The following SLC6A4 variants were observed in gnomAD, a reference collection of about 807,000 sequenced individuals.
The protein encoded by SLC6A4 is sodium-dependent serotonin transporter.
Under a neutral mutation model 73.4 loss-of-function variants are expected in SLC6A4, and 22 were observed. That is an observed-to-expected ratio of 0.30 (90% CI 0.21 to 0.43). SLC6A4 has a LOEUF of 0.43. SLC6A4 is among the 20% of genes least tolerant of loss of function. The pLI is 1.00. For synonymous variants in SLC6A4, 270 were observed against 315.5 expected (o/e 0.86, Z 1.53); for missense variants, 593 against 808.5 (o/e 0.73, Z 3.23).
At chr17:30,228,106 T>C (rs1005764493) in intron 1 of SLC6A4, among the ~76,000 whole-genome samples, 6 of 152,210 alleles carry the variant, frequency 3.9e-5, no homozygotes, top group Admixed American at 6.5e-5. Context: ...CTAACTTCCT[T>C]CCAGAGTCAT....
rs1413067090 is a variant in SLC6A4, at chr17:30,211,691, A to G, written c.1205-267T>C. On this transcript the variant is annotated intron_variant, in intron 9 of 14. Transcript: ENST00000650711. This position sits in a 1 kb window ranked among gnomAD's most constrained non-coding sequence, Gnocchi z 4.0. Reference sequence around the variant, plus strand: ...CCTGGGGGTGGGTAACAGATCCAAGACCCAGAGACTGGCAAAGCTGCACAT... The same window carrying G: ...CCTGGGGGTGGGTAACAGATCCAAGGCCCAGAGACTGGCAAAGCTGCACAT... 1.3e-5 allele frequency among the ~76,000 whole-genome samples: 2 copies of G among 152,168 alleles called. No homozygotes were observed. The highest frequency in any genetic ancestry group is 2.4e-5 in the African/African-American group (1 of 41,442).
rs201417524 is a variant in SLC6A4 at position 30,222,803 on chromosome 17, C to A, written c.-124+16G>T. 1.5e-6 allele frequency: 2 copies of A among 1,304,476 alleles called. No individual in the cohort carries two copies. Among genetic ancestry groups the A allele is most frequent in the Middle Eastern group, 2.1e-4 (1 of 4,720 alleles). 80.8% of individuals were successfully genotyped at this position (1,304,476 alleles called of 1,614,324 possible). On this transcript the variant is annotated intron_variant, in intron 2 of 14. Coordinates refer to ENST00000650711, the MANE Select transcript of SLC6A4 (RefSeq NM_001045.6). ...TTTGCAAGCCCGACTGGTCCTTAAA[C>A]GGCACTGCTGCTCACCATTTGTTCT...
At position 30,216,205 on chromosome 17, in the gene SLC6A4, C is replaced by A; in HGVS notation, c.849G>T (p.Val283=). Residue 283 remains valine (V), a synonymous_variant, in exon 7 of 15, where the codon GTG becomes GTT. Coordinates refer to ENST00000650711, the MANE Select transcript of SLC6A4 (RefSeq NM_001045.6). The part of the protein sequence containing the change: ...GVKTSGKVVW[V]TATFPYIILS... ...GGATGATATAAGGGAAGGTGGCTGT[C>A]ACCCACACCACCTGTAAGGAAGAAG... The A allele has an allele frequency of 6.2e-7, 1 of 1,608,408 alleles. No individual in the cohort carries two copies. Among genetic ancestry groups the A allele is most frequent in the South Asian group, 1.1e-5 (1 of 90,816 alleles).
At position 30,218,940 on chromosome 17, in the gene SLC6A4, G is replaced by C; in HGVS notation, c.344-9C>G. 1 of 1,613,900 alleles carries C rather than the reference G, an allele frequency of 6.2e-7. No individual in the cohort carries two copies. The highest frequency in any genetic ancestry group is 8.5e-7 in the Non-Finnish European group (1 of 1,180,000). On this transcript the variant is annotated splice_polypyrimidine_tract_variant and intron_variant, in intron 3 of 14. Transcript: ENST00000650711. ...GGGGAGGAGGAATGCCCCTGAGGCA[G>C]ATGAAAGACAATTTCACTCCCTGCC... is the stretch of plus-strand genomic sequence containing the variant.
chr17:30,200,542 A>T (rs901606854), intron 14 of SLC6A4, among the ~76,000 whole-genome samples: 4 of 152,066 alleles, frequency 2.6e-5, no homozygotes, highest in Non-Finnish European at 5.9e-5. Flanking sequence ...GCGGTGGCTC[A>T]CTCCACAAAC....
chr17:30,212,611 A>G, intron 9 of SLC6A4, 129 bp downstream of exon 9: 1 of 1,073,504 alleles, frequency 9.3e-7, no homozygotes. Flanking sequence ...CTTGAACTCC[A>G]CCATGCCCAG....
intron 13 of SLC6A4, among the ~76,000 whole-genome samples, chr17:30,205,087 G>A (rs186311282): frequency 3.2e-4 from 49 of 152,298 alleles, no homozygotes; most frequent in Admixed American, 2.4e-3. Context: ...AGGGTAAAGC[G>A]AGTGAAGTAC....
At position 30,221,993 on chromosome 17, in the gene SLC6A4, G is replaced by T. The variant is rs780985065; in HGVS notation, c.-35C>A. Reference sequence around the variant, plus strand: ...TAGTAAATGACACTGATGTCCATCTGCCAAGGATCCCAATTGATCTCTGGG... The same window carrying T: ...TAGTAAATGACACTGATGTCCATCTTCCAAGGATCCCAATTGATCTCTGGG... On this transcript the variant is annotated 5_prime_UTR_variant, in exon 3 of 15. Transcript: ENST00000650711. The T allele has an allele frequency of 6.2e-7, 1 of 1,613,590 alleles. No individual in the cohort carries two copies. The highest frequency in any genetic ancestry group is 1.1e-5 in the South Asian group (1 of 91,042).
intron 6 of SLC6A4, 50 bp from the exon 7 acceptor site, chr17:30,216,266 G>C (rs1327985245): frequency 1.3e-6 from 1 of 763,076 alleles, no homozygotes. Context: ...GGGGAGGGGA[G>C]GGGAGGGGAG....
rs1352682482 is a variant in SLC6A4 at position 30,197,097 on chromosome 17, GC to G, written c.*1358del. ...CAAAATTCTGATAAGGAATTCCCAT[GC>G]TGCAAATATTAATTTGCTCCTCTAC... On this transcript the variant is annotated 3_prime_UTR_variant, in exon 15 of 15. Coordinates refer to ENST00000650711, the MANE Select transcript of SLC6A4 (RefSeq NM_001045.6). The G allele has an allele frequency of 6.6e-6, 1 of 152,314 alleles. No homozygotes were observed. Among genetic ancestry groups the G allele is most frequent in the Non-Finnish European group, 1.5e-5 (1 of 68,032 alleles). The allele number at this position is 152,314 out of a possible 1,614,324, so 9.4% of individuals were successfully genotyped here.
At chr17:30,224,129 G>T (rs1306015472) in intron 1 of SLC6A4, among the ~76,000 whole-genome samples, 1 of 152,088 alleles carries the variant, frequency 6.6e-6, no homozygotes, top group Non-Finnish European at 1.5e-5. Context: ...AGGCCAAATG[G>T]CAGGGAGGAA....
At chr17:30,215,495 T>C (rs1906544047) in intron 8 of SLC6A4, 116 bp downstream of exon 8, 5 of 806,326 alleles carry the variant, frequency 6.2e-6, no homozygotes, top group Non-Finnish European at 1.1e-5. Context: ...GGGGCAGTGG[T>C]ATCAAGGCCT....
chr17:30,217,205 G>T lies in SLC6A4; in HGVS notation c.798C>A (p.Ile266=), dbSNP rs201403159. 2 of 1,614,106 alleles carry T rather than the reference G, an allele frequency of 1.2e-6. No individual in the cohort carries two copies. Among genetic ancestry groups the T allele is most frequent in the Non-Finnish European group, 1.7e-6 (2 of 1,179,952 alleles). Residue 266 remains isoleucine (I), a synonymous_variant, in exon 6 of 15, where the codon ATC becomes ATA. Transcript: ENST00000650711. The stretch of plus-strand genomic sequence containing the variant: ...TGACGCCTTTCCAGATGCTGAAGTA[G>T]ATAACAGTGAAGATCAGCATGATGC... ...ALCIMLIFTV[I]YFSIWKGVKT...
intron 1 of SLC6A4, 51 bp from the exon 2 acceptor site, chr17:30,222,966 G>A (rs550509083): frequency 1.8e-4 from 99 of 561,738 alleles, no homozygotes; most frequent in Non-Finnish European, 2.3e-4. Flanking sequence ...TGGTGTCGCC[G>A]TCCCCCTGTG....
intron 1 of SLC6A4, among the ~76,000 whole-genome samples, chr17:30,230,219 A>G (rs1217129634): frequency 1.3e-5 from 2 of 152,280 alleles, no homozygotes; most frequent in East Asian, 3.9e-4. Context: ...ACAACTTACA[A>G]CTTTTTGCAG....
chr17:30,225,790 GT>G (rs1462629545), intron 1 of SLC6A4, among the ~76,000 whole-genome samples: 1 of 152,228 alleles, frequency 6.6e-6, no homozygotes, highest in African/African-American at 2.4e-5. Flanking sequence ...GAGGGGTGCA[GT>G]TGACCAGCCA....
At chr17:30,208,076 T>C (rs1247357217) in intron 12 of SLC6A4, among the ~76,000 whole-genome samples, 1 of 152,088 alleles carries the variant, frequency 6.6e-6, no homozygotes, top group Non-Finnish European at 1.5e-5. Flanking sequence ...AAACTGCATT[T>C]TTATAGCAAG....
At chr17:30,208,099 T>G (rs548345445) in intron 12 of SLC6A4, among the ~76,000 whole-genome samples, 1 of 152,244 alleles carries the variant, frequency 6.6e-6, no homozygotes, top group Non-Finnish European at 1.5e-5. Flanking sequence ...AGACTCTTTC[T>G]ACATAGGGTG....
rs1905857764 is a variant in SLC6A4, at chr17:30,196,280, C to G, written c.*2176G>C. ...ATCCACCTACCTACTCTTAAATTTT[C>G]TTTAAAAAAAAAAAACCCCATCATA... is the stretch of plus-strand genomic sequence containing the variant. On this transcript the variant is annotated 3_prime_UTR_variant, in exon 15 of 15. Coordinates refer to ENST00000650711, the MANE Select transcript of SLC6A4 (RefSeq NM_001045.6). 6.7e-6 allele frequency: 1 copy of G among 149,170 alleles called. No homozygotes were observed. Among genetic ancestry groups the G allele is most frequent in the South Asian group, 2.1e-4 (1 of 4,744 alleles). The allele number at this position is 149,170 out of a possible 1,614,324, so 9.2% of individuals were successfully genotyped here. A position where few individuals can be genotyped will look rare whatever the true frequency, so the allele number is the denominator to read the frequency against.
Sources: allele counts gnomAD v4.1 joint callset (sites outside exome capture counted in the v4.1 genomes callset), GRCh38; gene constraint gnomAD v4.1.1; non-coding constraint Gnocchi (gnomAD v3.1); transcripts MANE v1.5; gene names NCBI Gene and HGNC (gene_info 2026-07-23, HGNC 2026-07-21).